The following CTNNAL1 variants were observed in gnomAD, a reference collection of about 807,000 sequenced individuals.
CTNNAL1 encodes catenin alpha like 1, also known as alpha-catulin.
A neutral mutation model predicts 93.6 loss-of-function variants in CTNNAL1; 69 were observed. That is an observed-to-expected ratio of 0.74 (90% CI 0.61 to 0.90). The LOEUF (loss-of-function observed/expected upper bound fraction) is 0.90, where lower values mean the gene tolerates loss of function less well. Ranked by LOEUF, CTNNAL1 falls within the 40% of genes least tolerant of loss-of-function variation. The pLI, the probability that CTNNAL1 is intolerant of heterozygous loss-of-function variation, is 0.00. For synonymous variants in CTNNAL1, 286 were observed against 305.4 expected (o/e 0.94, Z 0.66); for missense variants, 836 against 862.0 (o/e 0.97, Z 0.38).
At chr9:108,972,920 G>A (rs1831160081) in intron 8 of CTNNAL1, 87 bp from the exon 9 acceptor site, 3 of 1,409,876 alleles carry the variant, frequency 2.1e-6, no homozygotes, top group Non-Finnish European at 2.8e-6. Context: ...AACATTTTGT[G>A]ACCAAGCACC....
At chr9:108,965,587 T>C in intron 10 of CTNNAL1, 59 bp from the exon 11 acceptor site, 2 of 1,009,312 alleles carry the variant, frequency 2.0e-6, no homozygotes, top group Non-Finnish European at 2.7e-6. Context: ...CAGAATCACT[T>C]TGAAGACCAA....
chr9:108,958,084 A>AAAG (rs58307234), intron 11 of CTNNAL1, among the ~76,000 whole-genome samples: 3 of 134,678 alleles, frequency 2.2e-5, no homozygotes, highest in Admixed American at 2.2e-4. Context: ...AAAAAAAAAA[A>AAAG]CAAAGTGGGA....
At chr9:108,945,346 A>G (rs535239303) in intron 15 of CTNNAL1, among the ~76,000 whole-genome samples, 28 of 152,352 alleles carry the variant, frequency 1.8e-4, no homozygotes, top group Non-Finnish European at 3.5e-4. Context: ...ATCTAAGTTA[A>G]TGTAAATGCT....
intron 14 of CTNNAL1, among the ~76,000 whole-genome samples, chr9:108,951,978 A>G (rs777452817): frequency 1.3e-5 from 2 of 152,212 alleles, no homozygotes; most frequent in Non-Finnish European, 2.9e-5. Context: ...TCAATGATGG[A>G]AAGAGTGGGC....
intron 11 of CTNNAL1, among the ~76,000 whole-genome samples, chr9:108,965,079 C>T (rs976586248): frequency 2.0e-5 from 3 of 151,872 alleles, no homozygotes; most frequent in Non-Finnish European, 4.4e-5. Flanking sequence ...AGGTTGGGCT[C>T]GAACTCCTGG....
intron 15 of CTNNAL1, 35 bp downstream of exon 15, chr9:108,948,151 T>C: frequency 6.2e-7 from 1 of 1,605,576 alleles, no homozygotes; most frequent in African/African-American, 1.3e-5. Context: ...TAGCCCGAAA[T>C]TAAAGTACTA....
chr9:108,964,870 ATTTATTTT>A (rs1352986070), intron 11 of CTNNAL1, among the ~76,000 whole-genome samples: 2 of 151,488 alleles, frequency 1.3e-5, no homozygotes, highest in African/African-American at 4.8e-5. Flanking sequence ...TTATTTATTT[ATTTATTTT>A]TTGAGACAGA....
intron 14 of CTNNAL1, among the ~76,000 whole-genome samples, chr9:108,949,615 G>A (rs1013568324): frequency 2.6e-5 from 4 of 152,126 alleles, no homozygotes; most frequent in African/African-American, 7.2e-5. Context: ...AGGCTGAGGC[G>A]GGCAGATCAC....
intron 4 of CTNNAL1, among the ~76,000 whole-genome samples, chr9:108,987,991 T>A (rs1831668933): frequency 6.6e-6 from 1 of 152,192 alleles, no homozygotes; most frequent in Non-Finnish European, 1.5e-5. Context: ...CAATTTGACT[T>A]CCTCTTTTCC....
intron 11 of CTNNAL1, among the ~76,000 whole-genome samples, chr9:108,962,724 T>A (rs931988274): frequency 6.6e-6 from 1 of 152,214 alleles, no homozygotes; most frequent in Non-Finnish European, 1.5e-5. Flanking sequence ...CTATTTAGTT[T>A]TACCACAAGG....
intron 1 of CTNNAL1, among the ~76,000 whole-genome samples, chr9:109,011,742 C>A (rs1827208138): frequency 6.6e-6 from 1 of 152,210 alleles, no homozygotes; most frequent in Non-Finnish European, 1.5e-5. Context: ...AATTATTTAA[C>A]CTCAGTATTC....
chr9:108,963,328 G>A (rs1830868778), intron 11 of CTNNAL1, among the ~76,000 whole-genome samples: 1 of 152,180 alleles, frequency 6.6e-6, no homozygotes, highest in African/African-American at 2.4e-5. Context: ...AGAGGAAGGG[G>A]GCTCAGGCCC....
Position 108,990,843 on chromosome 9 carries a change from A to C in CTNNAL1, c.522T>G (p.Val174=). ...IKQIITSRNK[V]LATMERLEKV... is the part of the protein sequence containing the mutation. ...TCTCTAGTCTTTCCATAGTTGCGAG[A>C]ACCTGCAAAACAGATAATAATTCAT... Residue 174 remains valine (V), a splice_region_variant and synonymous_variant, in exon 4 of 19, where the codon GTT becomes GTG. Transcript: ENST00000325551. 6.2e-7 allele frequency: 1 copy of C among 1,611,276 alleles called. No homozygotes were observed. The highest frequency in any genetic ancestry group is 8.5e-7 in the Non-Finnish European group (1 of 1,179,088).
At chr9:108,977,912 A>T (rs1395326107) in intron 7 of CTNNAL1, among the ~76,000 whole-genome samples, 1 of 152,220 alleles carries the variant, frequency 6.6e-6, no homozygotes. Context: ...TCTTGCAGAC[A>T]AAGATTTTAG....
chr9:108,945,257 A>G (rs1830366392), intron 15 of CTNNAL1, among the ~76,000 whole-genome samples: 1 of 152,224 alleles, frequency 6.6e-6, no homozygotes, highest in Non-Finnish European at 1.5e-5. Flanking sequence ...AGTCCCTTAA[A>G]TAAAACAGTG....
rs1390304060 is a variant in CTNNAL1 at position 108,952,193 on chromosome 9, ATACAAC to A, written c.1835+10_1835+15del. 1 of 1,588,804 alleles carries A rather than the reference ATACAAC, an allele frequency of 6.3e-7. No homozygotes were observed. The highest frequency in any genetic ancestry group is 8.6e-7 in the Non-Finnish European group (1 of 1,168,504). ...CATTATACTGATTTAAAAAATAAAA[ATACAAC>A]TACATTTACCTAGTAAATAAATACA... On this transcript the variant is annotated intron_variant, in intron 14 of 18. Coordinates refer to ENST00000325551, the MANE Select transcript of CTNNAL1 (RefSeq NM_003798.4).
chr9:108,993,998 G>A (rs1392121593), intron 2 of CTNNAL1, among the ~76,000 whole-genome samples: 1 of 152,174 alleles, frequency 6.6e-6, no homozygotes, highest in Non-Finnish European at 1.5e-5. Flanking sequence ...AGGAGGCCGA[G>A]GCGGGTGGAT....
chr9:108,965,400 A>T lies in CTNNAL1; in HGVS notation c.1569T>A (p.Asn523Lys). Residue 523 changes from asparagine (N) to lysine (K), a missense_variant, in exon 11 of 19, where the codon AAT (asparagine) becomes AAA (lysine). Transcript: ENST00000325551. ...SDMSTLLREI[N>K]DVFEGRRGEK... ...CACCTCGTCTTCCTTCAAACACGTC[A>T]TTGATTTCTCTCAGCAGTGTTGACA... 6.5e-7 allele frequency: 1 copy of T among 1,532,818 alleles called. No individual in the cohort carries two copies. The highest frequency in any genetic ancestry group is 1.4e-5 in the African/African-American group (1 of 71,588). The allele number at this position is 1,532,818 out of a possible 1,614,324, so 95.0% of individuals were successfully genotyped here.
At chr9:108,970,611 A>G in intron 9 of CTNNAL1, 117 bp from the exon 10 acceptor site, 1 of 830,968 alleles carries the variant, frequency 1.2e-6, no homozygotes, top group Non-Finnish European at 1.7e-6. Context: ...ACCTATTAAA[A>G]TAAACTTAAA....
Sources: allele counts gnomAD v4.1 joint callset (sites outside exome capture counted in the v4.1 genomes callset), GRCh38; gene constraint gnomAD v4.1.1; transcripts MANE v1.5; gene names NCBI Gene and HGNC (gene_info 2026-07-23, HGNC 2026-07-21).